Variants in EYA4 observed in about 807,000 individuals in gnomAD.
EYA4 encodes EYA transcriptional coactivator and phosphatase 4, also known as protein phosphatase EYA4.
In EYA4, 31 loss-of-function variants were observed where a neutral mutation model predicts 87.9. The observed-to-expected ratio is 0.35, with a 90% CI of 0.27 to 0.48. The LOEUF is 0.48. Ranked by LOEUF, EYA4 falls within the 20% of genes least tolerant of loss-of-function variation. EYA4 has a pLI of 0.99. For synonymous variants in EYA4, 263 were observed against 270.6 expected, an observed-to-expected ratio of 0.97 and a Z score of 0.28; for missense variants, 678 against 761.4, an observed-to-expected ratio of 0.89 and a Z score of 1.29.
At chr6:133,401,798 G>C (rs1169912949) in intron 3 of EYA4, among the ~76,000 whole-genome samples, 2 of 152,236 alleles carry the variant, frequency 1.3e-5, no homozygotes, top group East Asian at 3.9e-4. Flanking sequence ...AGAAATATTA[G>C]TTGACCTATT....
At chr6:133,322,853 T>C (rs1781199392) in intron 2 of EYA4, among the ~76,000 whole-genome samples, 1 of 152,208 alleles carries the variant, frequency 6.6e-6, no homozygotes, top group South Asian at 2.1e-4. Context: ...GTTCATGTTA[T>C]GCAAACACAT....
At chr6:133,269,420 A>G (rs1469193301) in intron 1 of EYA4, among the ~76,000 whole-genome samples, 1 of 152,160 alleles carries the variant, frequency 6.6e-6, no homozygotes, top group African/African-American at 2.4e-5. Flanking sequence ...AGTATTTTAA[A>G]TCAATATCTC....
At chr6:133,398,999 T>C (rs1788036387) in intron 3 of EYA4, among the ~76,000 whole-genome samples, 3 of 152,180 alleles carry the variant, frequency 2.0e-5, no homozygotes, top group African/African-American at 7.2e-5. Flanking sequence ...CACTACCTAT[T>C]TATTCATCTT....
Position 133,409,616 on chromosome 6 carries a change from T to A in EYA4, c.83+27175T>A, listed in dbSNP as rs1789030448. 4.6e-5 allele frequency among the ~76,000 whole-genome samples: 7 copies of A among 152,284 alleles called. No homozygotes were observed. The South Asian group carries it at 1.5e-3, about 32-fold the overall frequency. On this transcript the variant is annotated intron_variant, in intron 3 of 19. Coordinates refer to ENST00000355286, the MANE Select transcript of EYA4 (RefSeq NM_004100.5). ...CAACTATAACCTATGTATATCTCTATATGTGGAATCTAAAAATAAAAAAGT... is the reference window on the plus strand; with the variant it reads ...CAACTATAACCTATGTATATCTCTAAATGTGGAATCTAAAAATAAAAAAGT...
chr6:133,460,406 C>T (rs1031898200), intron 6 of EYA4, among the ~76,000 whole-genome samples: 10 of 152,064 alleles, frequency 6.6e-5, no homozygotes, highest in African/African-American at 2.2e-4. Context: ...TTTGGGGCTC[C>T]ATGTTTGGAT....
At chr6:133,468,867 T>C in intron 11 of EYA4, 136 bp downstream of exon 11, 1 of 885,488 alleles carries the variant, frequency 1.1e-6, no homozygotes, top group Non-Finnish European at 1.8e-6. Flanking sequence ...TTAGCATGAC[T>C]GTGTAAGACG....
intron 13 of EYA4, among the ~76,000 whole-genome samples, chr6:133,500,479 G>A (rs1029606254): frequency 4.6e-5 from 7 of 152,116 alleles, no homozygotes; most frequent in Admixed American, 6.5e-5. Context: ...TCAAGTGGGT[G>A]CAAGCACTCT....
intron 3 of EYA4, among the ~76,000 whole-genome samples, chr6:133,413,511 CT>C (rs139360808): frequency 5.3e-5 from 8 of 149,594 alleles, no homozygotes; most frequent in Non-Finnish European, 1.0e-4. Context: ...TTAAAATATT[CT>C]TTTTTTAGCT....
intron 2 of EYA4, among the ~76,000 whole-genome samples, chr6:133,357,735 C>T (rs925918952): frequency 5.3e-5 from 8 of 152,022 alleles, no homozygotes; most frequent in Non-Finnish European, 7.4e-5. Flanking sequence ...AGCAGGGACT[C>T]GCTGGTGTTG....
intron 2 of EYA4, among the ~76,000 whole-genome samples, chr6:133,306,549 G>A (rs1463538412): frequency 6.6e-6 from 1 of 152,136 alleles, no homozygotes; most frequent in Non-Finnish European, 1.5e-5. Context: ...TTTGTGAGTG[G>A]CTGAATGTTT....
At chr6:133,252,993 ACT>A (rs150275940) in intron 1 of EYA4, among the ~76,000 whole-genome samples, 2 of 141,588 alleles carry the variant, frequency 1.4e-5, no homozygotes, top group African/African-American at 5.2e-5. Flanking sequence ...ACACACACTC[ACT>A]CTCTCTCTCT....
intron 3 of EYA4, among the ~76,000 whole-genome samples, chr6:133,405,878 T>C (rs1249281796): frequency 6.6e-6 from 1 of 152,046 alleles, no homozygotes; most frequent in Non-Finnish European, 1.5e-5. Flanking sequence ...GGCTGGGTCA[T>C]GCAGCTGTCT....
chr6:133,447,884 A>T (rs1376662403), intron 4 of EYA4, among the ~76,000 whole-genome samples: 1 of 152,226 alleles, frequency 6.6e-6, no homozygotes, highest in Non-Finnish European at 1.5e-5. Context: ...CAAATAATAA[A>T]ATTTAAAAAC....
In EYA4 at chr6:133,473,879, A is replaced by T. The variant is rs138296821; in HGVS notation, c.970+5148A>T. ...TTAAATTTTGTGCCCTAGGCGCCTT[A>T]CTCATTAGCCCCAGCCCAAATCACA... On this transcript the variant is annotated intron_variant, in intron 11 of 19. Coordinates refer to ENST00000355286, the MANE Select transcript of EYA4 (RefSeq NM_004100.5). Among the ~76,000 whole-genome samples, 618 of 152,028 alleles carry T rather than the reference A, an allele frequency of 4.1e-3. 5 individuals carry two copies. The highest frequency in any genetic ancestry group is 0.014 in the African/African-American group (586 of 41,508).
chr6:133,413,881 T>G (rs79619857), intron 3 of EYA4, among the ~76,000 whole-genome samples: 1 of 152,180 alleles, frequency 6.6e-6, no homozygotes, highest in Non-Finnish European at 1.5e-5. Context: ...TCTTTTCTTC[T>G]TATCTTGGTG....
chr6:133,432,213 C>T (rs1791245322), intron 3 of EYA4, among the ~76,000 whole-genome samples: 1 of 152,212 alleles, frequency 6.6e-6, no homozygotes, highest in Non-Finnish European at 1.5e-5. Flanking sequence ...GTCAGCCTGC[C>T]TCCCAGCTGC....
chr6:133,256,425 G>A (rs1775341627), intron 1 of EYA4, among the ~76,000 whole-genome samples: 1 of 151,914 alleles, frequency 6.6e-6, no homozygotes, highest in Non-Finnish European at 1.5e-5. Flanking sequence ...GAGAACTTAT[G>A]AGGAATGATA....
At chr6:133,362,146 A>G (rs952178186) in intron 2 of EYA4, among the ~76,000 whole-genome samples, 1 of 152,196 alleles carries the variant, frequency 6.6e-6, no homozygotes, top group Non-Finnish European at 1.5e-5. Context: ...TTAACCCTCA[A>G]GGTTCTTTTA....
At chr6:133,461,081 C>T (rs748022701) in intron 6 of EYA4, 33 bp from the exon 7 acceptor site, 5 of 1,483,690 alleles carry the variant, frequency 3.4e-6, no homozygotes, top group Non-Finnish European at 9.4e-7. Context: ...TATGAAGCAA[C>T]CTTTGGTGCA....
Sources: allele counts gnomAD v4.1 joint callset (sites outside exome capture counted in the v4.1 genomes callset), GRCh38; gene constraint gnomAD v4.1.1; transcripts MANE v1.5; gene names NCBI Gene and HGNC (gene_info 2026-07-23, HGNC 2026-07-21).